B3GLCT: variants seen among roughly 807,000 people sequenced by gnomAD.
B3GLCT encodes beta 3-glucosyltransferase, also known as beta-1,3-glucosyltransferase.
Under a neutral mutation model 63.4 loss-of-function variants are expected in B3GLCT, and 65 were observed. The observed-to-expected ratio is 1.03, with a 90% CI of 0.84 to 1.26. The LOEUF (loss-of-function observed/expected upper bound fraction) is 1.26. Ranked by LOEUF, B3GLCT falls within the 50% of genes most tolerant of loss-of-function variation. The probability of loss-of-function intolerance (pLI) is 0.00; values close to 1 mark genes in which losing one functional copy is unlikely to be tolerated. For missense variants in B3GLCT, 577 were observed against 604.8 expected (o/e 0.95, Z 0.48); for synonymous variants, 233 against 219.2 (o/e 1.06, Z -0.55).
intron 4 of B3GLCT, among the ~76,000 whole-genome samples, chr13:31,231,928 G>A (rs751156369): frequency 7.2e-5 from 11 of 152,174 alleles, no homozygotes; most frequent in Middle Eastern, 3.2e-3. Flanking sequence ...AGGATGGTTA[G>A]AGGTTCCTGT....
chr13:31,313,661 T>C (rs1874839433), intron 12 of B3GLCT, among the ~76,000 whole-genome samples: 2 of 152,206 alleles, frequency 1.3e-5, no homozygotes, highest in African/African-American at 4.8e-5. Flanking sequence ...ATGTGTACCC[T>C]GACTACGCGA....
chr13:31,212,109 ATT>A (rs564316331), intron 1 of B3GLCT, among the ~76,000 whole-genome samples: 2 of 144,946 alleles, frequency 1.4e-5, no homozygotes, highest in African/African-American at 2.5e-5. Flanking sequence ...TAGATGGAAA[ATT>A]TTTTTTTTTT....
At chr13:31,312,941 T>C (rs1049530120) in intron 12 of B3GLCT, 6 of 152,210 alleles carry the variant, frequency 3.9e-5, no homozygotes, top group East Asian at 1.9e-4. Flanking sequence ...GAAAACAGGA[T>C]AGTGTTCAAA....
intron 12 of B3GLCT, among the ~76,000 whole-genome samples, chr13:31,295,148 C>A (rs536075298): frequency 1.3e-5 from 2 of 152,328 alleles, no homozygotes; most frequent in African/African-American, 4.8e-5. Context: ...GTGGAGGCTG[C>A]AGAACAGCAA....
intron 10 of B3GLCT, among the ~76,000 whole-genome samples, chr13:31,283,860 T>C (rs1873187390): frequency 6.6e-6 from 1 of 152,238 alleles, no homozygotes; most frequent in Non-Finnish European, 1.5e-5. Flanking sequence ...CTAAATGTTT[T>C]TTCTATTGAA....
intron 7 of B3GLCT, among the ~76,000 whole-genome samples, chr13:31,264,326 C>A (rs2137836273): frequency 6.6e-6 from 1 of 152,202 alleles, no homozygotes; most frequent in African/African-American, 2.4e-5. Flanking sequence ...CCCCGTGACT[C>A]CAGTATGATA....
At chr13:31,262,960 T>C (rs1302703744) in intron 7 of B3GLCT, among the ~76,000 whole-genome samples, 2 of 152,212 alleles carry the variant, frequency 1.3e-5, no homozygotes, top group Non-Finnish European at 2.9e-5. Context: ...ATTTCCCATG[T>C]GCTATGAAGT....
chr13:31,215,992 C>G lies in B3GLCT; in HGVS notation c.120+892C>G, dbSNP rs1357507878. On this transcript the variant is annotated intron_variant, in intron 2 of 14. Transcript: ENST00000343307. Reference sequence around the variant, plus strand: ...CACTGGTTGTAGTCAGGGAATGTCTCTAAATGTTTACTAGTTGGGCTTTGC... The same window carrying G: ...CACTGGTTGTAGTCAGGGAATGTCTGTAAATGTTTACTAGTTGGGCTTTGC... 2.0e-5 allele frequency among the ~76,000 whole-genome samples: 3 copies of G among 152,096 alleles called. No homozygotes were observed. The East Asian group carries it at 5.8e-4, about 29-fold the overall frequency.
chr13:31,276,657 A>G (rs1872801439), intron 9 of B3GLCT, 45 bp from the exon 10 acceptor site: 2 of 1,269,094 alleles, frequency 1.6e-6, no homozygotes, highest in African/African-American at 1.5e-5. Context: ...TGTGAAGTTA[A>G]CGCTGACTCA....
rs571995555 is a variant in B3GLCT, at chr13:31,206,211, G to A, written c.70+6057G>A. Among the ~76,000 whole-genome samples the A allele has an allele frequency of 2.6e-5, 4 of 152,286 alleles. No individual in the cohort carries two copies. In the South Asian group the frequency reaches 8.3e-4, roughly 32 times the overall value. On this transcript the variant is annotated intron_variant, in intron 1 of 14. Transcript: ENST00000343307. The stretch of plus-strand genomic sequence containing the variant: ...TTCCTGTCTAGTTGCCCTTCCCAGT[G>A]TGTGTCAGACTTCAGCACACATGAG...
intron 4 of B3GLCT, among the ~76,000 whole-genome samples, chr13:31,241,580 TTCCAC>T (rs1870945044): frequency 6.6e-6 from 1 of 152,226 alleles, no homozygotes; most frequent in African/African-American, 2.4e-5. Flanking sequence ...GAGCAGGTCA[TTCCAC>T]TGGTTGAGTT....
chr13:31,238,686 A>G (rs2137790143), intron 4 of B3GLCT, among the ~76,000 whole-genome samples: 1 of 152,370 alleles, frequency 6.6e-6, no homozygotes, highest in Admixed American at 6.5e-5. Context: ...GCGCACCTGT[A>G]GTCCCACCTA....
At position 31,218,813 on chromosome 13, in the gene B3GLCT, A is replaced by G. The variant is rs529543058; in HGVS notation, c.120+3713A>G. ...AGCTTCCAGCTTTTACCCATTCCGT[A>G]TGATGTTAGCTATGGGTTTGTCATA... On this transcript the variant is annotated intron_variant, in intron 2 of 14. Coordinates refer to ENST00000343307, the MANE Select transcript of B3GLCT (RefSeq NM_194318.4). 1.6e-4 allele frequency among the ~76,000 whole-genome samples: 24 copies of G among 152,118 alleles called. No individual in the cohort carries two copies. The South Asian group carries it at 4.8e-3, about 30-fold the overall frequency.
chr13:31,329,128 G>C (rs1875786538), intron 14 of B3GLCT, among the ~76,000 whole-genome samples: 1 of 152,178 alleles, frequency 6.6e-6, no homozygotes, highest in Non-Finnish European at 1.5e-5. Context: ...CTTACGGCCA[G>C]TTTCCTTAGA....
In B3GLCT at chr13:31,329,517, A is replaced by G; in HGVS notation, c.1346A>G (p.Tyr449Cys). 1.2e-6 allele frequency: 2 copies of G among 1,614,202 alleles called. No homozygotes were observed. The highest frequency in any genetic ancestry group is 1.7e-6 in the Non-Finnish European group (2 of 1,180,040). Residue 449 changes from tyrosine to cysteine, a missense_variant, in exon 15 of 15, where the codon TAC becomes TGC. Tyr to Cys is a radical substitution (Grantham distance 194). Transcript: ENST00000343307. ...PLFHQARPVD[Y>C]PKDYLSHQVP... Reference sequence around the variant, plus strand: ...TTCCTGCAGGCTCGGCCGGTGGATTACCCTAAGGACTACCTTTCTCATCAA... The same window carrying G: ...TTCCTGCAGGCTCGGCCGGTGGATTGCCCTAAGGACTACCTTTCTCATCAA...
intron 14 of B3GLCT, among the ~76,000 whole-genome samples, chr13:31,328,875 TG>T (rs1282047120): frequency 6.6e-6 from 1 of 152,130 alleles, no homozygotes. Context: ...AATTTTGCAA[TG>T]TAGATAATAT....
At position 31,215,756 on chromosome 13, in the gene B3GLCT, T is replaced by C. The variant is rs117442766; in HGVS notation, c.120+656T>C. Reference sequence around the variant, plus strand: ...TTAACCTTGGGTTTAATTTTCTCAGTCTATGAAAGGATTTTACTATGTCAC... The same window carrying C: ...TTAACCTTGGGTTTAATTTTCTCAGCCTATGAAAGGATTTTACTATGTCAC... On this transcript the variant is annotated intron_variant, in intron 2 of 14. Transcript: ENST00000343307. 3.4e-3 allele frequency among the ~76,000 whole-genome samples: 521 copies of C among 152,232 alleles called. 4 individuals are homozygous for C. The highest frequency in any genetic ancestry group is 0.012 in the East Asian group (60 of 5,188).
intron 14 of B3GLCT, among the ~76,000 whole-genome samples, chr13:31,328,312 A>C (rs964987567): frequency 4.6e-5 from 7 of 152,234 alleles, no homozygotes; most frequent in African/African-American, 1.7e-4. Flanking sequence ...CATCACATCT[A>C]GTTTTAGTAG....
At chr13:31,278,339 G>A (rs950144817) in intron 10 of B3GLCT, among the ~76,000 whole-genome samples, 4 of 151,776 alleles carry the variant, frequency 2.6e-5, no homozygotes, top group African/African-American at 9.7e-5. Context: ...TTCTTATTTT[G>A]CATAAGTTTG....
Sources: allele counts gnomAD v4.1 joint callset (sites outside exome capture counted in the v4.1 genomes callset), GRCh38; gene constraint gnomAD v4.1.1; transcripts MANE v1.5; gene names NCBI Gene and HGNC (gene_info 2026-07-23, HGNC 2026-07-21).